Variants in MTUS2 observed in about 807,000 individuals in gnomAD.
MTUS2 encodes microtubule-associated tumor suppressor candidate 2.
In MTUS2, 40 loss-of-function variants were observed where a neutral mutation model predicts 114.1. The ratio of observed to expected loss-of-function variants is 0.35; its 90% CI spans 0.27 to 0.46. MTUS2 has a LOEUF of 0.46. Among genes scored for constraint, MTUS2 ranks in the 20% least tolerant of loss-of-function variants. The pLI is 1.00. For synonymous variants in MTUS2, 688 were observed against 672.0 expected (o/e 1.02, Z -0.37); for missense variants, 1,679 against 1,705.4 (o/e 0.98, Z 0.27).
At chr13:29,231,335 A>G (rs1353982500) in intron 5 of MTUS2, among the ~76,000 whole-genome samples, 29 of 152,194 alleles carry the variant, frequency 1.9e-4, no homozygotes, top group Admixed American at 1.9e-3. Context: ...AACACACAAA[A>G]CTAAATACTT....
At chr13:28,917,057 G>A (rs1880785234) in intron 2 of MTUS2, among the ~76,000 whole-genome samples, 3 of 151,908 alleles carry the variant, frequency 2.0e-5, no homozygotes, top group South Asian at 4.2e-4. Flanking sequence ...CTGTTGAAAT[G>A]ATGTATCACA....
intron 9 of MTUS2, among the ~76,000 whole-genome samples, chr13:29,456,694 G>A (rs1170729704): frequency 6.6e-6 from 1 of 152,160 alleles, no homozygotes; most frequent in Non-Finnish European, 1.5e-5. Context: ...CCAGAAGGCA[G>A]TGGAATGACA....
intron 5 of MTUS2, among the ~76,000 whole-genome samples, chr13:29,220,651 T>A (rs1453551159): frequency 6.6e-6 from 1 of 152,232 alleles, no homozygotes; most frequent in Non-Finnish European, 1.5e-5. Context: ...ATGGATATGG[T>A]TTTTGTGTTG....
At chr13:29,125,492 A>G (rs1008706114) in intron 5 of MTUS2, among the ~76,000 whole-genome samples, 2 of 152,236 alleles carry the variant, frequency 1.3e-5, no homozygotes, top group Non-Finnish European at 2.9e-5. Context: ...TTGAATCTAA[A>G]TGTTTTCATT....
chr13:29,110,788 A>G (rs1671844263), intron 5 of MTUS2, among the ~76,000 whole-genome samples: 1 of 152,124 alleles, frequency 6.6e-6, no homozygotes, highest in African/African-American at 2.4e-5. Context: ...TAGAAATCAT[A>G]TTGTTTCTCT....
At chr13:29,403,862 T>C (rs1170346603) in intron 8 of MTUS2, among the ~76,000 whole-genome samples, 1 of 152,122 alleles carries the variant, frequency 6.6e-6, no homozygotes, top group African/African-American at 2.4e-5. Flanking sequence ...CCTATCTATC[T>C]GGTTTCTCCT....
At chr13:29,478,463 G>A (rs1880875061) in intron 9 of MTUS2, among the ~76,000 whole-genome samples, 1 of 152,080 alleles carries the variant, frequency 6.6e-6, no homozygotes, top group Non-Finnish European at 1.5e-5. Flanking sequence ...TTCTCTGTGT[G>A]ATTTAAAAAA....
At chr13:29,477,947 T>C (rs1880826579) in intron 9 of MTUS2, among the ~76,000 whole-genome samples, 1 of 152,238 alleles carries the variant, frequency 6.6e-6, no homozygotes, top group African/African-American at 2.4e-5. Context: ...ATTTTCACGA[T>C]AATATTTAAA....
intron 2 of MTUS2, among the ~76,000 whole-genome samples, chr13:28,997,943 C>T (rs1268783798): frequency 1.3e-5 from 2 of 152,166 alleles, no homozygotes; most frequent in African/African-American, 4.8e-5. Context: ...ATGATGTTAG[C>T]TGGTTATTTT....
chr13:29,431,169 A>G (rs1175306689), intron 8 of MTUS2, among the ~76,000 whole-genome samples: 1 of 152,240 alleles, frequency 6.6e-6, no homozygotes, highest in African/African-American at 2.4e-5. Context: ...AATATCAACT[A>G]AAAATTATGA....
At chr13:29,361,069 G>C (rs904356898) in intron 8 of MTUS2, among the ~76,000 whole-genome samples, 1 of 152,160 alleles carries the variant, frequency 6.6e-6, no homozygotes, top group Non-Finnish European at 1.5e-5. Flanking sequence ...GAGAGTAACT[G>C]CCAAAATTAG....
intron 2 of MTUS2, among the ~76,000 whole-genome samples, chr13:28,845,841 G>A (rs1875842582): frequency 6.6e-6 from 1 of 151,768 alleles, no homozygotes; most frequent in Admixed American, 6.6e-5. Context: ...TACCTTAAAA[G>A]GGGATGGTAC....
intron 5 of MTUS2, among the ~76,000 whole-genome samples, chr13:29,262,101 C>T (rs904290789): frequency 1.5e-4 from 23 of 152,340 alleles, no homozygotes; most frequent in African/African-American, 5.3e-4. Flanking sequence ...AAGTCCTGGG[C>T]TGGCTGATGC....
At chr13:29,375,537 ACGTG>A (rs200452152) in intron 8 of MTUS2, among the ~76,000 whole-genome samples, 32,908 of 62,646 alleles carry the variant, frequency 0.53, 12,742 homozygotes, top group African/African-American at 0.57. Flanking sequence ...ATATATATAT[ACGTG>A]TATATATATA....
intron 5 of MTUS2, among the ~76,000 whole-genome samples, chr13:29,125,727 G>A (rs1199378750): frequency 6.6e-6 from 1 of 152,126 alleles, no homozygotes. Context: ...GTTGTTAAAA[G>A]GCAAACTCTT....
intron 5 of MTUS2, among the ~76,000 whole-genome samples, chr13:29,156,833 A>G (rs973411029): frequency 6.6e-6 from 1 of 151,894 alleles, no homozygotes; most frequent in Non-Finnish European, 1.5e-5. Flanking sequence ...CCGCTTTGTT[A>G]CCCTCCCAGT....
Position 29,322,373 on chromosome 13 carries a change from G to A in MTUS2, c.2807-2240G>A, listed in dbSNP as rs529753572. ...ATAGTGGGTACCCTGAGGGGTACCC[G>A]TGACTTCAGCAGAGTGCAGTGGCTG... On this transcript the variant is annotated intron_variant, in intron 6 of 15. Transcript: ENST00000612955. 1.6e-4 allele frequency among the ~76,000 whole-genome samples: 24 copies of A among 152,266 alleles called. No homozygotes were observed. The South Asian group carries it at 1.9e-3, about 12-fold the overall frequency.
At chr13:29,471,742 G>GCCCCCCCCCCCCC (rs559849711) in intron 9 of MTUS2, among the ~76,000 whole-genome samples, 11 of 131,658 alleles carry the variant, frequency 8.4e-5, no homozygotes, top group South Asian at 2.4e-4. Flanking sequence ...TGCAGGCCCA[G>GCCCCCCCCCCCCC]CCCCCCCCGA....
intron 5 of MTUS2, among the ~76,000 whole-genome samples, chr13:29,140,022 G>A (rs1007729150): frequency 5.9e-5 from 9 of 152,186 alleles, no homozygotes; most frequent in African/African-American, 1.9e-4. Context: ...GGTTGTCAGC[G>A]TTGAGAATTT....
Sources: gnomAD v4.1 joint callset for allele counts (sites outside exome capture counted in the v4.1 genomes callset) on GRCh38, gnomAD v4.1.1 for gene constraint, MANE v1.5 for transcripts, NCBI Gene and HGNC (gene_info 2026-07-23, HGNC 2026-07-21) for gene names.